Variants in SUCLG2 observed in about 807,000 individuals in gnomAD.
SUCLG2 encodes the protein succinate--CoA ligase [GDP-forming] subunit beta, mitochondrial.
Under a neutral mutation model 47.9 loss-of-function variants are expected in SUCLG2, and 42 were observed. The observed-to-expected ratio is 0.88, with a 90% CI of 0.69 to 1.14. The LOEUF (loss-of-function observed/expected upper bound fraction) is 1.14, where lower values mean the gene tolerates loss of function less well. Among genes scored for constraint, SUCLG2 ranks in the 50% most tolerant of loss-of-function variants. The probability of loss-of-function intolerance (pLI) is 0.00; values close to 1 mark genes in which losing one functional copy is unlikely to be tolerated. For synonymous variants in SUCLG2, 195 were observed against 197.3 expected, an observed-to-expected ratio of 0.99 and a Z score of 0.10; for missense variants, 571 against 525.9, an observed-to-expected ratio of 1.09 and a Z score of -0.84.
intron 9 of SUCLG2, among the ~76,000 whole-genome samples, chr3:67,461,451 G>A (rs930563012): frequency 2.6e-5 from 4 of 152,126 alleles, no homozygotes; most frequent in Non-Finnish European, 5.9e-5. Context: ...ATGGCATTCT[G>A]AGGGGGAAGG....
intron 1 of SUCLG2, among the ~76,000 whole-genome samples, chr3:67,636,463 C>T (rs2107360550): frequency 6.6e-6 from 1 of 151,982 alleles, no homozygotes; most frequent in African/African-American, 2.4e-5. Context: ...TTCCATTCTC[C>T]TGCCTCAGCC....
rs1214768438 is a variant in SUCLG2 at position 67,592,540 on chromosome 3, C to CA, written c.226+16914dup. ...ATGCCGAGCAAGTTATTCAAGATTACAAAAGTATTCAGTGGCATTCCCCAC... is the reference window on the plus strand; with the variant it reads ...ATGCCGAGCAAGTTATTCAAGATTACAAAAAGTATTCAGTGGCATTCCCCAC... On this transcript the variant is annotated intron_variant, in intron 2 of 10. Coordinates refer to ENST00000307227, the MANE Select transcript of SUCLG2 (RefSeq NM_003848.4). Among the ~76,000 whole-genome samples the CA allele has an allele frequency of 2.0e-5, 3 of 152,060 alleles. No homozygotes were observed. In the East Asian group the frequency reaches 5.8e-4, roughly 29 times the overall value.
intron 9 of SUCLG2, among the ~76,000 whole-genome samples, chr3:67,493,529 T>A (rs1705255571): frequency 1.3e-5 from 2 of 152,030 alleles, no homozygotes; most frequent in African/African-American, 4.8e-5. Flanking sequence ...TCCCTCCCCA[T>A]CCTACAGGTT....
intron 10 of SUCLG2, among the ~76,000 whole-genome samples, chr3:67,397,961 A>G (rs2106807147): frequency 6.6e-6 from 1 of 150,858 alleles, no homozygotes; most frequent in Admixed American, 6.6e-5. Context: ...AAAACTGGCT[A>G]GCCATATGTA....
chr3:67,405,464 C>T (rs1702781732), intron 9 of SUCLG2, among the ~76,000 whole-genome samples: 1 of 152,180 alleles, frequency 6.6e-6, no homozygotes, highest in Admixed American at 6.5e-5. Context: ...TTTTGAATAT[C>T]TGATGAATAT....
Position 67,444,711 on chromosome 3 carries a change from G to A in SUCLG2, c.1063-43860C>T, listed in dbSNP as rs1340479687. Among the ~76,000 whole-genome samples the A allele has an allele frequency of 1.5e-4, 2 of 13,004 alleles. 1 individual carries two copies. Among genetic ancestry groups the A allele is most frequent in the Non-Finnish European group, 2.8e-4 (2 of 7,108 alleles). 8.5% of individuals were successfully genotyped at this position (13,004 alleles called of 152,430 possible). A position where few individuals can be genotyped will look rare whatever the true frequency, so the allele number is the denominator to read the frequency against. On this transcript the variant is annotated intron_variant, in intron 9 of 10. Coordinates refer to ENST00000307227, the MANE Select transcript of SUCLG2 (RefSeq NM_003848.4). ...GTGGGGGGGGTCAGCCCCCCTGCCCGGCCAGCCGCCCCGTCTGGGAGGTGA... is the reference window on the plus strand; with the variant it reads ...GTGGGGGGGGTCAGCCCCCCTGCCCAGCCAGCCGCCCCGTCTGGGAGGTGA...
chr3:67,513,811 T>G (rs1354079254), intron 6 of SUCLG2: 2 of 152,316 alleles, frequency 1.3e-5, no homozygotes, highest in African/African-American at 4.8e-5. Flanking sequence ...AAATTAAAAT[T>G]CGTAAAATCA....
At chr3:67,587,502 T>C (rs1227220705) in intron 2 of SUCLG2, among the ~76,000 whole-genome samples, 7 of 152,150 alleles carry the variant, frequency 4.6e-5, no homozygotes, top group South Asian at 2.1e-4. Flanking sequence ...GACAAATGAA[T>C]GTTGAAAAAG....
intron 2 of SUCLG2, among the ~76,000 whole-genome samples, chr3:67,548,115 G>A (rs17046581): frequency 0.049 from 7,425 of 152,200 alleles, 235 homozygotes; most frequent in African/African-American, 0.089. Flanking sequence ...TGTGCTGAGC[G>A]TATTCACTAT....
intron 2 of SUCLG2, among the ~76,000 whole-genome samples, chr3:67,573,026 A>C (rs1707657069): frequency 6.6e-6 from 1 of 152,266 alleles, no homozygotes; most frequent in Non-Finnish European, 1.5e-5. Context: ...ACATACAAGC[A>C]ATGAATAATC....
At chr3:67,437,576 A>G (rs907291546) in intron 9 of SUCLG2, among the ~76,000 whole-genome samples, 2 of 152,160 alleles carry the variant, frequency 1.3e-5, no homozygotes, top group African/African-American at 4.8e-5. Flanking sequence ...CCATAATCAT[A>G]TTAATATCAG....
chr3:67,599,491 C>T (rs907643245), intron 2 of SUCLG2, among the ~76,000 whole-genome samples: 21 of 152,154 alleles, frequency 1.4e-4, no homozygotes, highest in African/African-American at 5.1e-4. Flanking sequence ...TCCAGGTTTT[C>T]TCATGTTTAT....
At chr3:67,534,691 T>A (rs1299507430) in intron 2 of SUCLG2, among the ~76,000 whole-genome samples, 1 of 142,076 alleles carries the variant, frequency 7.0e-6, no homozygotes, top group South Asian at 2.2e-4. Flanking sequence ...AGTAAGCCAA[T>A]CTTACATTGT....
At chr3:67,375,980 AG>A in intron 10 of SUCLG2, 121 bp from the exon 11 acceptor site, 1 of 1,431,214 alleles carries the variant, frequency 7.0e-7, no homozygotes, top group Non-Finnish European at 9.2e-7. Flanking sequence ...AATTAAATAT[AG>A]GTTCTCATCA....
intron 2 of SUCLG2, among the ~76,000 whole-genome samples, chr3:67,559,207 A>C (rs1022425898): frequency 6.6e-6 from 1 of 152,172 alleles, no homozygotes; most frequent in African/African-American, 2.4e-5. Context: ...ATGAGAAGGT[A>C]GAGTAAGAGG....
intron 2 of SUCLG2, among the ~76,000 whole-genome samples, chr3:67,550,916 G>A (rs187710000): frequency 6.6e-6 from 1 of 152,206 alleles, no homozygotes; most frequent in Non-Finnish European, 1.5e-5. Flanking sequence ...TGGGGGCAGG[G>A]GCGGCGGCAG....
chr3:67,610,604 G>T (rs1000972942), intron 1 of SUCLG2, among the ~76,000 whole-genome samples: 12 of 151,346 alleles, frequency 7.9e-5, no homozygotes, highest in Admixed American at 7.2e-4. Flanking sequence ...ACAAGAGGAA[G>T]GATGACAATA....
chr3:67,385,804 G>C (rs1256462286), intron 10 of SUCLG2, among the ~76,000 whole-genome samples: 2 of 152,184 alleles, frequency 1.3e-5, no homozygotes, highest in African/African-American at 4.8e-5. Context: ...TTCTTACTGG[G>C]ATCAGAACCC....
chr3:67,409,060 G>C (rs1702877401), intron 9 of SUCLG2: 2 of 1,530,998 alleles, frequency 1.3e-6, no homozygotes, highest in African/African-American at 2.7e-5. Context: ...TCAGAGGTAA[G>C]ATATCTTGTA....
Sources: allele counts gnomAD v4.1 joint callset (sites outside exome capture counted in the v4.1 genomes callset), GRCh38; gene constraint gnomAD v4.1.1; transcripts MANE v1.5; gene names NCBI Gene and HGNC (gene_info 2026-07-23, HGNC 2026-07-21).